MSI2: variants seen among roughly 807,000 people sequenced by gnomAD.
MSI2 encodes musashi RNA binding protein 2, also known as RNA-binding protein Musashi homolog 2.
Under a neutral mutation model 45.6 loss-of-function variants are expected in MSI2, and 17 were observed. The observed-to-expected ratio is 0.37, with a 90% CI of 0.26 to 0.56. The LOEUF is 0.56. Among genes scored for constraint, MSI2 ranks in the 20% least tolerant of loss-of-function variants. The pLI, the probability that MSI2 is intolerant of heterozygous loss-of-function variation, is 0.77. For synonymous variants in MSI2, 156 were observed against 158.2 expected (o/e 0.99, Z 0.11); for missense variants, 293 against 444.2 (o/e 0.66, Z 3.06).
intron 4 of MSI2, among the ~76,000 whole-genome samples, chr17:57,260,555 G>A (rs938820416): frequency 6.6e-6 from 1 of 152,058 alleles, no homozygotes; most frequent in African/African-American, 2.4e-5. Context: ...TCTTACGTAC[G>A]TCAACAGAAT....
intron 5 of MSI2, among the ~76,000 whole-genome samples, chr17:57,363,847 G>A (rs1199627290): frequency 6.6e-6 from 1 of 152,184 alleles, no homozygotes; most frequent in African/African-American, 2.4e-5. Flanking sequence ...GCCTTATGTG[G>A]GTGGGGTTAA....
chr17:57,424,949 G>A (rs2084463891), intron 6 of MSI2, among the ~76,000 whole-genome samples: 1 of 152,128 alleles, frequency 6.6e-6, no homozygotes, highest in African/African-American at 2.4e-5. Flanking sequence ...GCAATTTTAT[G>A]AGGTCCAACT....
At chr17:57,434,679 T>C (rs892238883) in intron 6 of MSI2, among the ~76,000 whole-genome samples, 1 of 152,222 alleles carries the variant, frequency 6.6e-6, no homozygotes, top group Non-Finnish European at 1.5e-5. Context: ...GTACCTGCCT[T>C]ATTTCACTTA....
chr17:57,419,437 A>C (rs1198987660), intron 6 of MSI2, among the ~76,000 whole-genome samples: 2 of 151,066 alleles, frequency 1.3e-5, no homozygotes, highest in Non-Finnish European at 2.9e-5. Context: ...GTCTCAGCTC[A>C]CTGCAACCTC....
intron 5 of MSI2, among the ~76,000 whole-genome samples, chr17:57,340,643 C>T (rs1337942581): frequency 6.6e-6 from 1 of 152,100 alleles, no homozygotes; most frequent in Non-Finnish European, 1.5e-5. Flanking sequence ...CCAGCAATGG[C>T]CTGTGGTTCT....
At chr17:57,570,834 A>T (rs1161264635) in intron 7 of MSI2, among the ~76,000 whole-genome samples, 2 of 152,090 alleles carry the variant, frequency 1.3e-5, no homozygotes, top group African/African-American at 2.4e-5. Flanking sequence ...ATCCTCTCTT[A>T]TATGGGGGTT....
chr17:57,432,062 A>T (rs913943773), intron 6 of MSI2, among the ~76,000 whole-genome samples: 2 of 152,162 alleles, frequency 1.3e-5, no homozygotes, highest in African/African-American at 4.8e-5. Context: ...GTAACTATTA[A>T]TCACGCCGAG....
At chr17:57,264,688 G>A (rs34691377) in intron 5 of MSI2, 21,731 of 152,208 alleles carry the variant, frequency 0.14, 2,920 homozygotes, top group African/African-American at 0.36. Flanking sequence ...AGCTCATTTT[G>A]TAAATGAGGA....
intron 6 of MSI2, among the ~76,000 whole-genome samples, chr17:57,491,078 G>A (rs2085862442): frequency 6.6e-6 from 1 of 152,228 alleles, no homozygotes; most frequent in Non-Finnish European, 1.5e-5. Flanking sequence ...CTCACAGCTT[G>A]CAGGTGTCCT....
chr17:57,639,487 C>T (rs551071536), intron 10 of MSI2, among the ~76,000 whole-genome samples: 18 of 152,210 alleles, frequency 1.2e-4, no homozygotes, highest in Non-Finnish European at 2.4e-4. Flanking sequence ...CTTTGTGAGC[C>T]GGGGATGCTG....
chr17:57,597,001 C>G (rs759721305), intron 8 of MSI2, 51 bp downstream of exon 8: 1 of 1,337,282 alleles, frequency 7.5e-7, no homozygotes, highest in Non-Finnish European at 1.1e-6. Context: ...TCTCTACGTA[C>G]ACACCCAGTC....
chr17:57,296,881 T>A (rs2143509078), intron 5 of MSI2, among the ~76,000 whole-genome samples: 1 of 152,264 alleles, frequency 6.6e-6, no homozygotes, highest in East Asian at 1.9e-4. Context: ...TATTAAGGCT[T>A]TTTTGTTTTT....
At chr17:57,661,423 G>A (rs950159581) in intron 11 of MSI2, among the ~76,000 whole-genome samples, 1 of 152,174 alleles carries the variant, frequency 6.6e-6, no homozygotes, top group African/African-American at 2.4e-5. Flanking sequence ...TCAAGGTTCT[G>A]GGAGATCTTG....
chr17:57,575,717 G>A (rs1438173305), intron 7 of MSI2, among the ~76,000 whole-genome samples: 4 of 151,816 alleles, frequency 2.6e-5, no homozygotes, highest in East Asian at 1.9e-4. Context: ...AGGCTGAGGC[G>A]GGTGGATCAC....
intron 5 of MSI2, among the ~76,000 whole-genome samples, chr17:57,391,747 A>G (rs1050426611): frequency 1.3e-5 from 2 of 152,220 alleles, no homozygotes; most frequent in Non-Finnish European, 2.9e-5. Flanking sequence ...TCTGAGGTTT[A>G]TTAAGAATCT....
intron 6 of MSI2, among the ~76,000 whole-genome samples, chr17:57,431,726 G>A (rs1035412425): frequency 2.0e-5 from 3 of 152,212 alleles, no homozygotes; most frequent in Non-Finnish European, 4.4e-5. Context: ...AGACTTGATT[G>A]TGGTGGCAAG....
chr17:57,613,604 G>A lies in MSI2; in HGVS notation c.538-2366G>A, dbSNP rs554481289. 1.6e-3 allele frequency among the ~76,000 whole-genome samples: 239 copies of A among 152,140 alleles called. 3 individuals carry two copies. The highest frequency in any genetic ancestry group is 5.6e-3 in the African/African-American group (231 of 41,500). On this transcript the variant is annotated intron_variant, in intron 8 of 13. Transcript: ENST00000284073. Reference sequence around the variant, plus strand: ...GTCTGGTTGCCCTCCAGAAAAATACGTGCCAATTTCCACCCCTCCACACTA... The same window carrying A: ...GTCTGGTTGCCCTCCAGAAAAATACATGCCAATTTCCACCCCTCCACACTA...
At chr17:57,304,726 G>A (rs560727133) in intron 5 of MSI2, among the ~76,000 whole-genome samples, 1 of 152,216 alleles carries the variant, frequency 6.6e-6, no homozygotes, top group Non-Finnish European at 1.5e-5. Flanking sequence ...ACCCAGCCAG[G>A]AGAAGCTATT....
chr17:57,660,091 A>G (rs886147209), intron 11 of MSI2, among the ~76,000 whole-genome samples: 1 of 152,244 alleles, frequency 6.6e-6, no homozygotes, highest in African/African-American at 2.4e-5. Context: ...GAAGCTCCAT[A>G]GAAGAGTGGG....
Sources: allele counts gnomAD v4.1 joint callset (sites outside exome capture counted in the v4.1 genomes callset), GRCh38; gene constraint gnomAD v4.1.1; transcripts MANE v1.5; gene names NCBI Gene and HGNC (gene_info 2026-07-23, HGNC 2026-07-21).